Variants in RYR3 observed in about 807,000 individuals in gnomAD.
RYR3 encodes the protein brain ryanodine receptor-calcium release channel.
A neutral mutation model predicts 584.3 loss-of-function variants in RYR3; 207 were observed. The ratio of observed to expected loss-of-function variants is 0.35; its 90% CI spans 0.32 to 0.40. The LOEUF (loss-of-function observed/expected upper bound fraction) is 0.40. Among genes scored for constraint, RYR3 ranks in the 10% least tolerant of loss-of-function variants. The pLI is 1.00. For synonymous variants in RYR3, 2,416 were observed against 2,248.5 expected, an observed-to-expected ratio of 1.07 and a Z score of -2.11; for missense variants, 5,616 against 6,089.2, an observed-to-expected ratio of 0.92 and a Z score of 2.59.
chr15:33,858,266 G>A (rs188661634), intron 99 of RYR3: 345 of 216,994 alleles, frequency 1.6e-3, no homozygotes, highest in Non-Finnish European at 2.4e-3. Context: ...GTGCAATGGC[G>A]TCATCTCAGC....
At chr15:33,496,966 G>A (rs551028243) in intron 2 of RYR3, among the ~76,000 whole-genome samples, 3 of 152,094 alleles carry the variant, frequency 2.0e-5, no homozygotes, top group Admixed American at 1.3e-4. Context: ...GCCTTACTTC[G>A]TTTGTTTGTC....
At chr15:33,854,263 T>G (rs1487381811) in intron 96 of RYR3, 126 bp from the exon 97 acceptor site, 4 of 712,818 alleles carry the variant, frequency 5.6e-6, no homozygotes, top group Non-Finnish European at 9.5e-6. Flanking sequence ...CACATACAAC[T>G]TGATAAAGCT....
chr15:33,379,716 T>G (rs925543380), intron 1 of RYR3, among the ~76,000 whole-genome samples: 1 of 149,742 alleles, frequency 6.7e-6, no homozygotes, highest in African/African-American at 2.5e-5. Flanking sequence ...TATGAATTTG[T>G]TAGAGAGAAT....
At chr15:33,748,042 C>T (rs2070918569) in intron 53 of RYR3, 72 bp from the exon 54 acceptor site, 38 of 1,460,038 alleles carry the variant, frequency 2.6e-5, no homozygotes, top group Non-Finnish European at 3.5e-5. Flanking sequence ...GATGCACCTT[C>T]CATGCGGAGA....
intron 32 of RYR3, among the ~76,000 whole-genome samples, chr15:33,657,768 C>G (rs2062906924): frequency 6.6e-6 from 1 of 152,220 alleles, no homozygotes. Flanking sequence ...ATGGAACATC[C>G]AGTATAAATC....
chr15:33,499,922 C>G (rs1555501946), intron 2 of RYR3, among the ~76,000 whole-genome samples: 1 of 152,144 alleles, frequency 6.6e-6, no homozygotes, highest in Non-Finnish European at 1.5e-5. Flanking sequence ...AGAGAAGAGA[C>G]AGGGGCTCGT....
At chr15:33,474,490 G>A (rs776559477) in intron 2 of RYR3, among the ~76,000 whole-genome samples, 4 of 152,062 alleles carry the variant, frequency 2.6e-5, no homozygotes, top group Non-Finnish European at 2.9e-5. Context: ...TCATCTGATC[G>A]GATGAGGCAT....
intron 64 of RYR3, among the ~76,000 whole-genome samples, chr15:33,774,927 A>G (rs1336182349): frequency 6.6e-6 from 1 of 152,086 alleles, no homozygotes; most frequent in African/African-American, 2.4e-5. Context: ...ATACATCCTC[A>G]GTATCTTTCT....
chr15:33,350,102 A>G (rs1324584604), intron 1 of RYR3, among the ~76,000 whole-genome samples: 3 of 152,232 alleles, frequency 2.0e-5, no homozygotes, highest in South Asian at 2.1e-4. Flanking sequence ...TCCTTTGGGT[A>G]TATACCCAGT....
chr15:33,621,420 A>G (rs763320413), intron 19 of RYR3, among the ~76,000 whole-genome samples: 1 of 152,240 alleles, frequency 6.6e-6, no homozygotes, highest in Admixed American at 6.5e-5. Flanking sequence ...TCAGTACACA[A>G]TCTGTTATGT....
At chr15:33,805,446 C>T (rs920551629) in intron 69 of RYR3, among the ~76,000 whole-genome samples, 1 of 150,732 alleles carries the variant, frequency 6.6e-6, no homozygotes, top group African/African-American at 2.4e-5. Context: ...TCTTTCATTC[C>T]CTCCCCTACC....
At chr15:33,796,070 C>T (rs760960244) in intron 67 of RYR3, among the ~76,000 whole-genome samples, 3 of 152,184 alleles carry the variant, frequency 2.0e-5, no homozygotes, top group Non-Finnish European at 2.9e-5. Flanking sequence ...GACACAGGAG[C>T]GTGGCTTCCT....
Position 33,317,423 on chromosome 15 carries a change from T to TGG in RYR3, c.51+6329_51+6330dup, listed in dbSNP as rs1044052896. ...CACAGTTCTCCTTGGGGAGCCACAC[T>TGG]GGGTCCTCCAGGCCCCAGGCTGGTG... On this transcript the variant is annotated intron_variant, in intron 1 of 103. Transcript: ENST00000634891. 3.3e-5 allele frequency among the ~76,000 whole-genome samples: 5 copies of TGG among 152,326 alleles called. 1 individual carries two copies. The highest frequency in any genetic ancestry group is 1.2e-4 in the African/African-American group (5 of 41,578).
At chr15:33,320,697 T>C (rs746684058) in intron 1 of RYR3, among the ~76,000 whole-genome samples, 6 of 152,234 alleles carry the variant, frequency 3.9e-5, no homozygotes, top group Non-Finnish European at 7.3e-5. Flanking sequence ...AGGGTCATAA[T>C]AGTGCCTATC....
chr15:33,469,481 C>A (rs2048751957), intron 1 of RYR3, among the ~76,000 whole-genome samples: 1 of 151,810 alleles, frequency 6.6e-6, no homozygotes, highest in South Asian at 2.1e-4. Flanking sequence ...GGTCTCAAGA[C>A]CTCCAGTCTC....
chr15:33,859,749 G>A lies in RYR3; in HGVS notation c.14299+18G>A. ...CATTCAAGGTATGATTGCCAATTGT[G>A]TTGAGTATGAACAGGGTTTAATCTA... On this transcript the variant is annotated intron_variant, in intron 100 of 103. Coordinates refer to ENST00000634891, the MANE Select transcript of RYR3 (RefSeq NM_001036.6). 2 of 1,596,720 alleles carry A rather than the reference G, an allele frequency of 1.3e-6. No homozygotes were observed. Among genetic ancestry groups the A allele is most frequent in the Non-Finnish European group, 1.7e-6 (2 of 1,170,244 alleles).
rs35485665 is a variant in RYR3, at chr15:33,623,763, GT to G, written c.2358-34del. On this transcript the variant is annotated intron_variant, in intron 19 of 103. Coordinates refer to ENST00000634891, the MANE Select transcript of RYR3 (RefSeq NM_001036.6). ...AATTTTCACTTATTTGGGCTGCATTGTTTTTTTTTTAACCTCTGTATTTCTG... is the reference window on the plus strand; with the variant it reads ...AATTTTCACTTATTTGGGCTGCATTGTTTTTTTTTAACCTCTGTATTTCTG... The G allele has an allele frequency of 3.0e-3, 3,704 of 1,218,256 alleles. 2 individuals carry two copies. Among genetic ancestry groups the G allele is most frequent in the Non-Finnish European group, 3.3e-3 (2,867 of 857,562 alleles). 75.5% of individuals were successfully genotyped at this position (1,218,256 alleles called of 1,614,324 possible). A position where few individuals can be genotyped will look rare whatever the true frequency, so the allele number is the denominator to read the frequency against.
intron 55 of RYR3, 36 bp from the exon 56 acceptor site, chr15:33,749,943 T>C (rs937654604): frequency 2.5e-6 from 4 of 1,596,060 alleles, no homozygotes; most frequent in Non-Finnish European, 3.4e-6. Flanking sequence ...GCCTGCTTTC[T>C]TTCTTTTTGA....
At chr15:33,752,695 C>G (rs1246395429) in intron 57 of RYR3, among the ~76,000 whole-genome samples, 2 of 152,154 alleles carry the variant, frequency 1.3e-5, no homozygotes, top group African/African-American at 4.8e-5. Flanking sequence ...ATTTGACTTC[C>G]TCTTTTCCTA....
Sources: gnomAD v4.1 joint callset for allele counts (sites outside exome capture counted in the v4.1 genomes callset) on GRCh38, gnomAD v4.1.1 for gene constraint, MANE v1.5 for transcripts, NCBI Gene and HGNC (gene_info 2026-07-23, HGNC 2026-07-21) for gene names.